The following LAMA1 variants were observed in gnomAD, a reference collection of about 807,000 sequenced individuals.
LAMA1 encodes laminin subunit alpha 1.
In LAMA1, 219 loss-of-function variants were observed where a neutral mutation model predicts 348.7. The observed-to-expected ratio is 0.63, with a 90% CI of 0.56 to 0.70. The LOEUF is 0.70. LAMA1 is among the 30% of genes least tolerant of loss of function. The probability of loss-of-function intolerance (pLI) is 0.00; values close to 1 mark genes in which losing one functional copy is unlikely to be tolerated. For synonymous variants in LAMA1, 1,487 were observed against 1,491.0 expected (o/e 1.00, Z 0.06); for missense variants, 3,744 against 3,888.0 (o/e 0.96, Z 0.99).
chr18:7,062,136 T>G (rs1285061713), intron 3 of LAMA1, among the ~76,000 whole-genome samples: 2 of 152,176 alleles, frequency 1.3e-5, no homozygotes, highest in African/African-American at 4.8e-5. Context: ...TGGCAGTGGA[T>G]GGAAGGTCTA....
intron 19 of LAMA1, among the ~76,000 whole-genome samples, chr18:7,021,862 T>C (rs1397864204): frequency 2.8e-5 from 4 of 144,558 alleles, no homozygotes; most frequent in African/African-American, 7.7e-5. Context: ...TTATATATAT[T>C]ATATATTAGA....
intron 55 of LAMA1, among the ~76,000 whole-genome samples, chr18:6,957,890 C>G (rs143121925): frequency 0.032 from 4,853 of 152,124 alleles, 128 homozygotes; most frequent in Non-Finnish European, 0.05. Flanking sequence ...AAGTGATTCT[C>G]CTGCCTCAGC....
chr18:7,093,869 G>C (rs1855608939), intron 1 of LAMA1, among the ~76,000 whole-genome samples: 1 of 151,198 alleles, frequency 6.6e-6, no homozygotes, highest in South Asian at 2.1e-4. Flanking sequence ...CCGCCTCCCG[G>C]GTTCAAGGGA....
chr18:7,025,545 A>C (rs1373767895), intron 17 of LAMA1, among the ~76,000 whole-genome samples: 3 of 151,048 alleles, frequency 2.0e-5, no homozygotes, highest in Admixed American at 1.3e-4. Context: ...GCACTCCATA[A>C]ATATCTGTTG....
intron 42 of LAMA1, 137 bp from the exon 43 acceptor site, chr18:6,978,515 C>CT: frequency 1.1e-6 from 1 of 870,350 alleles, no homozygotes; most frequent in Admixed American, 2.4e-5. Flanking sequence ...TGAGGCTTGT[C>CT]TGTTTGCTTT....
chr18:7,064,609 G>T (rs2058115148), intron 3 of LAMA1, among the ~76,000 whole-genome samples: 1 of 152,166 alleles, frequency 6.6e-6, no homozygotes. Flanking sequence ...GGCATTTCCT[G>T]AACAGCAAGT....
In LAMA1 at chr18:6,966,173, G is replaced by T. The variant is rs745395002; in HGVS notation, c.7024C>A (p.Leu2342Ile). 22 of 1,614,186 alleles carry T rather than the reference G, an allele frequency of 1.4e-5. No homozygotes were observed. The highest frequency in any genetic ancestry group is 1.4e-5 in the Non-Finnish European group (17 of 1,180,026). ...LFNTFSPNGL[L>I]LYLGSYGTKD... ...GTGCCGTATGAACCCAGGTAGAGAA[G>T]AAGTCCATTAGGTGAAAAGGTATTA... The change falls in exon 49 of 63, where the codon CTT (leucine) becomes ATT (isoleucine). Residue 2342 changes from leucine to isoleucine, a missense_variant. Leu to Ile is a conservative substitution (Grantham distance 5). Transcript: ENST00000389658.
chr18:7,103,385 A>G (rs1310781213), intron 1 of LAMA1, among the ~76,000 whole-genome samples: 2 of 152,012 alleles, frequency 1.3e-5, no homozygotes, highest in African/African-American at 2.4e-5. Flanking sequence ...AGCCTGGGTG[A>G]CAGAGCGAGA....
Position 7,032,071 on chromosome 18 carries a change from A to C in LAMA1, c.2269T>G (p.Cys757Gly). Residue 757 changes from cysteine (C) to glycine (G), a missense_variant, in exon 16 of 63, where the codon TGC becomes GGC. This residue lies in a region of LAMA1 where 1,529 missense variants were observed against 1,689.4 expected (regional missense o/e 0.91). Transcript: ENST00000389658. The part of the protein sequence containing the change: ...HAAECNVHGV[C>G]IACAHNTTGV... ...AACTACAGTGAGAGACTCACAATGC[A>C]AACGCCGTGAACATTACACTCAGCT... 1 of 1,613,904 alleles carries C rather than the reference A, an allele frequency of 6.2e-7. No individual in the cohort carries two copies.
chr18:6,967,898 C>G (rs1030461142), intron 48 of LAMA1, among the ~76,000 whole-genome samples: 1 of 152,126 alleles, frequency 6.6e-6, no homozygotes, highest in African/African-American at 2.4e-5. Flanking sequence ...TGGGTTCTCT[C>G]CCCAAACAGG....
rs760542877 is a variant in LAMA1 at position 6,950,865 on chromosome 18, G to A, written c.8314C>T (p.Arg2772Cys). The A allele has an allele frequency of 6.6e-5, 106 of 1,613,994 alleles. No individual in the cohort carries two copies. Among genetic ancestry groups the A allele is most frequent in the Middle Eastern group, 3.3e-4 (2 of 6,084 alleles). ...DYAVLQLHGG[R>C]LHFMFDLGKG... ...CCAAGGTCAAACATGAAGTGGAGGC[G>A]GCCCCCGTGCAGCTGGAGCACAGCG... is the stretch of plus-strand genomic sequence containing the variant. The change falls in exon 58 of 63, where the codon CGC becomes TGC. Residue 2772 changes from arginine (R) to cysteine (C), a missense_variant. This residue lies in a region of LAMA1 where 1,983 missense variants were observed against 1,934.3 expected (regional missense o/e 1.03). Coordinates refer to ENST00000389658, the MANE Select transcript of LAMA1 (RefSeq NM_005559.4).
intron 1 of LAMA1, among the ~76,000 whole-genome samples, chr18:7,084,235 G>A (rs1181195371): frequency 6.6e-6 from 1 of 151,894 alleles, no homozygotes; most frequent in Non-Finnish European, 1.5e-5. Context: ...AAGTCCCTAA[G>A]GTTGCTGACT....
At chr18:7,024,900 A>T (rs571203001) in intron 17 of LAMA1, among the ~76,000 whole-genome samples, 64 of 152,220 alleles carry the variant, frequency 4.2e-4, no homozygotes, top group Middle Eastern at 3.4e-3. Context: ...GGCAAAAGTG[A>T]GCTCACTCAA....
In LAMA1 at chr18:7,024,377, T is replaced by G. The variant is rs1217135140; in HGVS notation, c.2489+3A>C. The G allele has an allele frequency of 6.2e-7, 1 of 1,612,352 alleles. No individual in the cohort carries two copies. Among genetic ancestry groups the G allele is most frequent in the Non-Finnish European group, 8.5e-7 (1 of 1,178,538 alleles). ...TGTGTTGAAGCCAGTGGATGCAGAG[T>G]ACCTCTCACACCAAGCTCCTGAGTA... On this transcript the variant is annotated splice_donor_region_variant and intron_variant, in intron 18 of 62. Coordinates refer to ENST00000389658, the MANE Select transcript of LAMA1 (RefSeq NM_005559.4).
chr18:7,018,412 T>G (rs997066308), intron 19 of LAMA1, among the ~76,000 whole-genome samples: 14 of 150,894 alleles, frequency 9.3e-5, no homozygotes, highest in Non-Finnish European at 1.9e-4. Context: ...TTTTTTTTTT[T>G]TGAGACGGAG....
chr18:7,105,144 AAAGAT>A (rs1264656879), intron 1 of LAMA1, among the ~76,000 whole-genome samples: 3 of 152,196 alleles, frequency 2.0e-5, no homozygotes, highest in Non-Finnish European at 4.4e-5. Flanking sequence ...ATCAATTATT[AAAGAT>A]AAGAGCAGAC....
At chr18:7,007,095 CT>C in intron 29 of LAMA1, 43 bp downstream of exon 29, 1 of 1,610,838 alleles carries the variant, frequency 6.2e-7, no homozygotes, top group South Asian at 1.1e-5. Context: ...TCAGCGTCCA[CT>C]TTACTTCTAA....
intron 3 of LAMA1, among the ~76,000 whole-genome samples, chr18:7,075,638 G>A (rs1192402528): frequency 1.4e-5 from 2 of 147,910 alleles, no homozygotes; most frequent in Non-Finnish European, 3.0e-5. Context: ...AAAAAATAAC[G>A]GAAGAAAGAA....
At chr18:6,996,154 T>C (rs1331717343) in intron 33 of LAMA1, among the ~76,000 whole-genome samples, 1 of 152,054 alleles carries the variant, frequency 6.6e-6, no homozygotes, top group African/African-American at 2.4e-5. Flanking sequence ...AGGTAAAAGC[T>C]CTCATTTTTC....
Sources: gnomAD v4.1 joint callset for allele counts (sites outside exome capture counted in the v4.1 genomes callset) on GRCh38, gnomAD v4.1.1 for gene constraint, gnomAD v4.1.1 regional missense constraint, MANE v1.5 for transcripts, NCBI Gene and HGNC (gene_info 2026-07-23, HGNC 2026-07-21) for gene names.